ATXN2: variants seen among roughly 807,000 people sequenced by gnomAD.
ATXN2 encodes the protein ataxin 2.
In ATXN2, 37 loss-of-function variants were observed where a neutral mutation model predicts 138.6. The observed-to-expected ratio is 0.27, with a 90% CI of 0.21 to 0.35. ATXN2 has a LOEUF of 0.35. ATXN2 is among the 10% of genes least tolerant of loss of function. The probability of loss-of-function intolerance (pLI) is 1.00; values close to 1 mark genes in which losing one functional copy is unlikely to be tolerated. For synonymous variants in ATXN2, 549 were observed against 543.7 expected (o/e 1.01, Z -0.13); for missense variants, 1,216 against 1,480.3 (o/e 0.82, Z 2.93).
chr12:111,517,885 T>C (rs984910660), intron 9 of ATXN2, among the ~76,000 whole-genome samples: 4 of 152,196 alleles, frequency 2.6e-5, no homozygotes, highest in African/African-American at 4.8e-5. Flanking sequence ...ATTTTCCATA[T>C]AAATTATGTC....
intron 1 of ATXN2, among the ~76,000 whole-genome samples, chr12:111,560,901 C>T (rs901819194): frequency 2.6e-5 from 4 of 152,072 alleles, no homozygotes; most frequent in African/African-American, 4.8e-5. Flanking sequence ...GTTTTAAGAA[C>T]GAAAGAAAAC....
chr12:111,580,513 G>GAA (rs771331354), intron 1 of ATXN2, among the ~76,000 whole-genome samples: 3 of 105,840 alleles, frequency 2.8e-5, no homozygotes, highest in Non-Finnish European at 2.0e-5. Context: ...CTCCAAAAAA[G>GAA]AAAAAAAAAA....
Position 111,519,941 on chromosome 12 carries a change from T to G in ATXN2, c.924A>C (p.Glu308Asp). Residue 308 changes from glutamate (E) to aspartate (D), a missense_variant, in exon 8 of 25, where the codon GAA becomes GAC. Physicochemically the swap from Glu to Asp is conservative, Grantham distance 45. Transcript: ENST00000673436. The part of the protein sequence containing the change: ...VALENDDRSE[E>D]EKYTAVQRNS... ...TTCTCTGAACTGCTGTGTATTTTTC[T>G]TCCTCACTCCTATCATCATTTTCCA... is the stretch of plus-strand genomic sequence containing the variant. 1 of 1,614,198 alleles carries G rather than the reference T, an allele frequency of 6.2e-7. No individual in the cohort carries two copies. Among genetic ancestry groups the G allele is most frequent in the Non-Finnish European group, 8.5e-7 (1 of 1,180,034 alleles).
chr12:111,482,566 A>G (rs911760508), intron 18 of ATXN2, among the ~76,000 whole-genome samples: 3 of 152,138 alleles, frequency 2.0e-5, no homozygotes, highest in Non-Finnish European at 4.4e-5. Context: ...CAGATAGCCA[A>G]ACTGTCATGC....
At chr12:111,519,769 TC>T in intron 8 of ATXN2, 109 bp downstream of exon 8, 1 of 1,533,960 alleles carries the variant, frequency 6.5e-7, no homozygotes, top group Non-Finnish European at 8.8e-7. Context: ...CTACTTGCAT[TC>T]TCTACCTAAG....
chr12:111,514,767 C>T (rs1198438036), intron 10 of ATXN2, among the ~76,000 whole-genome samples: 7 of 152,118 alleles, frequency 4.6e-5, no homozygotes, highest in African/African-American at 1.7e-4. Context: ...AGATTACAGG[C>T]GTTAGCCACC....
chr12:111,498,205 C>T (rs746806437), intron 14 of ATXN2, among the ~76,000 whole-genome samples: 1 of 152,056 alleles, frequency 6.6e-6, no homozygotes, highest in Non-Finnish European at 1.5e-5. Flanking sequence ...ACATAATACT[C>T]GGAAGTCCTA....
chr12:111,486,007 A>T (rs576250181), intron 16 of ATXN2, 142 bp from the exon 17 acceptor site: 355 of 676,070 alleles, frequency 5.3e-4, no homozygotes, highest in Non-Finnish European at 6.8e-4. Flanking sequence ...ACAGCACATA[A>T]ATTTTCACAT....
At chr12:111,491,466 C>A (rs576868903) in intron 14 of ATXN2, among the ~76,000 whole-genome samples, 8 of 152,072 alleles carry the variant, frequency 5.3e-5, no homozygotes, top group Non-Finnish European at 7.4e-5. Context: ...CTTGTGCCAG[C>A]CTTCCCCCAA....
intron 21 of ATXN2, among the ~76,000 whole-genome samples, chr12:111,460,090 T>C (rs1875452369): frequency 1.3e-5 from 2 of 152,082 alleles, no homozygotes; most frequent in South Asian, 2.1e-4. Flanking sequence ...TGCAGTTTTG[T>C]TGTTGTTTTG....
intron 5 of ATXN2, among the ~76,000 whole-genome samples, chr12:111,551,586 T>C (rs1882123732): frequency 1.3e-5 from 2 of 152,216 alleles, no homozygotes; most frequent in African/African-American, 4.8e-5. Context: ...GTTCTCTACC[T>C]TTCTTCCTTA....
At chr12:111,478,996 G>T in intron 18 of ATXN2, 1 of 264,702 alleles carries the variant, frequency 3.8e-6, no homozygotes, top group South Asian at 1.5e-4. Context: ...GCAACAGAGT[G>T]AGACTTCATC....
chr12:111,485,908 T>G (rs369132051), intron 16 of ATXN2, 43 bp from the exon 17 acceptor site: 6 of 1,584,558 alleles, frequency 3.8e-6, no homozygotes, highest in Non-Finnish European at 5.2e-6. Context: ...AGGTAACAGA[T>G]GAACTATTAT....
chr12:111,543,725 A>C (rs1446475572), intron 5 of ATXN2, among the ~76,000 whole-genome samples: 1 of 152,212 alleles, frequency 6.6e-6, no homozygotes, highest in Non-Finnish European at 1.5e-5. Flanking sequence ...AACTCTAAAA[A>C]TGCTTAGAAT....
intron 1 of ATXN2, among the ~76,000 whole-genome samples, chr12:111,597,082 T>C (rs1884972423): frequency 7.0e-6 from 1 of 142,048 alleles, no homozygotes; most frequent in Non-Finnish European, 1.5e-5. Context: ...TTACCCTACT[T>C]GGGGAAACGA....
chr12:111,455,638 ACT>A (rs1396497627), intron 23 of ATXN2: 12 of 324,206 alleles, frequency 3.7e-5, no homozygotes, highest in African/African-American at 1.9e-4. Context: ...GAGAGCTGAG[ACT>A]CTGTGAAGGC....
intron 18 of ATXN2, among the ~76,000 whole-genome samples, chr12:111,482,177 C>G (rs1484762510): frequency 6.8e-6 from 1 of 147,970 alleles, no homozygotes; most frequent in African/African-American, 2.5e-5. Flanking sequence ...CATGGCAAAG[C>G]CCTTTCTCTA....
chr12:111,466,752 G>A (rs907804569), intron 20 of ATXN2, among the ~76,000 whole-genome samples: 7 of 152,102 alleles, frequency 4.6e-5, no homozygotes, highest in Non-Finnish European at 7.4e-5. Flanking sequence ...ATTAATGAAT[G>A]AGAAAAGGTG....
intron 6 of ATXN2, among the ~76,000 whole-genome samples, chr12:111,523,326 T>C (rs908798485): frequency 1.3e-5 from 2 of 152,204 alleles, no homozygotes; most frequent in Non-Finnish European, 2.9e-5. Flanking sequence ...GGAACACCAT[T>C]CTTTTTGGGA....
Sources: gnomAD v4.1 joint callset for allele counts (sites outside exome capture counted in the v4.1 genomes callset) on GRCh38, gnomAD v4.1.1 for gene constraint, MANE v1.5 for transcripts, NCBI Gene and HGNC (gene_info 2026-07-23, HGNC 2026-07-21) for gene names.